Variants in MGMT observed in about 807,000 individuals in gnomAD.
MGMT encodes the protein methylated-DNA--protein-cysteine methyltransferase.
Under a neutral mutation model 15.9 loss-of-function variants are expected in MGMT, and 14 were observed. The ratio of observed to expected loss-of-function variants is 0.88; its 90% confidence interval spans 0.58 to 1.37. The LOEUF (loss-of-function observed/expected upper bound fraction) is 1.37. Ranked by LOEUF, MGMT falls within the 40% of genes most tolerant of loss-of-function variation. MGMT has a pLI of 0.00. For synonymous variants in MGMT, 130 were observed against 118.2 expected (o/e 1.10, Z -0.65); for missense variants, 282 against 268.1 (o/e 1.05, Z -0.36).
At chr10:129,517,565 C>T (rs562757611) in intron 1 of MGMT, among the ~76,000 whole-genome samples, 16 of 152,320 alleles carry the variant, frequency 1.1e-4, no homozygotes, top group Admixed American at 5.9e-4. Flanking sequence ...AAGGGTGTCA[C>T]GGCGTCACAC....
In MGMT at chr10:129,768,361, T is replaced by C. The variant is rs1848962551; in HGVS notation, c.*1364T>C. On this transcript the variant is annotated 3_prime_UTR_variant, in exon 5 of 5. Coordinates refer to ENST00000651593, the MANE Select transcript of MGMT (RefSeq NM_002412.5). ...CCCGTTGTCTTAACTCTTGGTATTT[T>C]TGAAGCAGGATAAGTCACACAGCGG... Among the ~76,000 whole-genome samples the C allele has an allele frequency of 2.6e-5, 4 of 152,274 alleles. No individual in the cohort carries two copies. The highest frequency in any genetic ancestry group is 2.6e-4 in the Admixed American group (4 of 15,294).
At chr10:129,575,797 TAAAG>T (rs1331324222) in intron 2 of MGMT, among the ~76,000 whole-genome samples, 9 of 147,658 alleles carry the variant, frequency 6.1e-5, no homozygotes, top group African/African-American at 2.2e-4. Context: ...GCAAGACTAA[TAAAG>T]AAGAAAAGAG....
intron 2 of MGMT, among the ~76,000 whole-genome samples, chr10:129,661,150 A>G (rs1328143678): frequency 1.3e-5 from 2 of 152,020 alleles, no homozygotes; most frequent in Non-Finnish European, 2.9e-5. Flanking sequence ...CTGGTTCTGT[A>G]TTATGGATTA....
intron 2 of MGMT, among the ~76,000 whole-genome samples, chr10:129,706,671 G>A (rs1368661264): frequency 6.6e-6 from 1 of 152,292 alleles, no homozygotes; most frequent in South Asian, 2.1e-4. Context: ...CGGACCCAGG[G>A]CCAGGGCTTC....
At chr10:129,711,416 C>T (rs1218956041) in intron 3 of MGMT, among the ~76,000 whole-genome samples, 1 of 152,138 alleles carries the variant, frequency 6.6e-6, no homozygotes, top group Non-Finnish European at 1.5e-5. Flanking sequence ...CTTTCCCGAC[C>T]GGGTGTCCGG....
At chr10:129,760,656 T>G (rs1397170486) in intron 4 of MGMT, among the ~76,000 whole-genome samples, 2 of 152,188 alleles carry the variant, frequency 1.3e-5, no homozygotes, top group African/African-American at 4.8e-5. Flanking sequence ...TACGTAGGCT[T>G]TTGCACAAAA....
chr10:129,762,127 G>C (rs1021134615), intron 4 of MGMT, among the ~76,000 whole-genome samples: 1 of 152,178 alleles, frequency 6.6e-6, no homozygotes, highest in Non-Finnish European at 1.5e-5. Flanking sequence ...TCCCTTTGGC[G>C]CTGACAGCAG....
intron 1 of MGMT, among the ~76,000 whole-genome samples, chr10:129,517,742 C>T (rs1845754883): frequency 6.6e-6 from 1 of 152,120 alleles, no homozygotes; most frequent in Admixed American, 6.5e-5. Context: ...GGGCTGAGGC[C>T]CAGACCAGCT....
chr10:129,531,932 C>T (rs1042274432), intron 1 of MGMT, among the ~76,000 whole-genome samples: 4 of 152,138 alleles, frequency 2.6e-5, no homozygotes, highest in Non-Finnish European at 4.4e-5. Context: ...AAATAATTAG[C>T]CAGTTGGATA....
chr10:129,472,426 C>T (rs1334587975), intron 1 of MGMT, among the ~76,000 whole-genome samples: 1 of 151,900 alleles, frequency 6.6e-6, no homozygotes, highest in African/African-American at 2.4e-5. Context: ...CTGAGTCTCA[C>T]GGAAGGATGA....
intron 3 of MGMT, among the ~76,000 whole-genome samples, chr10:129,725,849 A>T (rs1329043237): frequency 1.3e-5 from 2 of 152,202 alleles, no homozygotes; most frequent in African/African-American, 4.8e-5. Flanking sequence ...TCAGGAGCCT[A>T]GGGTTCAATT....
chr10:129,723,126 CTTA>C (rs1307394894), intron 3 of MGMT, among the ~76,000 whole-genome samples: 2 of 148,712 alleles, frequency 1.3e-5, no homozygotes, highest in African/African-American at 5.0e-5. Flanking sequence ...TGTTCCATAA[CTTA>C]TTTATTTCCA....
intron 3 of MGMT, among the ~76,000 whole-genome samples, chr10:129,708,688 A>T (rs1175915434): frequency 1.3e-5 from 2 of 152,208 alleles, no homozygotes; most frequent in South Asian, 4.1e-4. Context: ...ATCATTCCAG[A>T]CACATGCCAG....
At chr10:129,728,286 A>G (rs879281) in intron 3 of MGMT, among the ~76,000 whole-genome samples, 84,406 of 152,024 alleles carry the variant, frequency 0.56, 23,685 homozygotes, top group Middle Eastern at 0.72. Context: ...GTTAGGGATT[A>G]GGGTCAGTGG....
intron 1 of MGMT, among the ~76,000 whole-genome samples, chr10:129,506,890 T>G (rs1204404543): frequency 2.0e-5 from 3 of 150,838 alleles, no homozygotes; most frequent in African/African-American, 7.3e-5. Flanking sequence ...CTTCAGGGCA[T>G]CTTCTCTGGG....
chr10:129,766,235 G>C lies in MGMT; in HGVS notation c.415-553G>C, dbSNP rs1045506870. Among the ~76,000 whole-genome samples, 20 of 152,338 alleles carry C rather than the reference G, an allele frequency of 1.3e-4. 1 individual carries two copies. Among genetic ancestry groups the C allele is most frequent in the African/African-American group, 1.7e-4 (7 of 41,588 alleles). On this transcript the variant is annotated intron_variant, in intron 4 of 4. Coordinates refer to ENST00000651593, the MANE Select transcript of MGMT (RefSeq NM_002412.5). ...AGGCTTGGCAAAGCAGCCACAGCCA[G>C]TATGGAGAAAAAGGCATGGCTGCGT...
At chr10:129,606,263 G>GT (rs1846889483) in intron 2 of MGMT, among the ~76,000 whole-genome samples, 1 of 152,228 alleles carries the variant, frequency 6.6e-6, no homozygotes, top group African/African-American at 2.4e-5. Flanking sequence ...AGCACATCCT[G>GT]CCTGCCTGCC....
intron 1 of MGMT, among the ~76,000 whole-genome samples, chr10:129,505,672 G>A (rs1220408891): frequency 6.6e-6 from 1 of 152,134 alleles, no homozygotes; most frequent in African/African-American, 2.4e-5. Flanking sequence ...TGGTCAGCAT[G>A]GATATTGGTG....
At chr10:129,755,676 C>G (rs1299841123) in intron 3 of MGMT, among the ~76,000 whole-genome samples, 1 of 152,242 alleles carries the variant, frequency 6.6e-6, no homozygotes, top group Non-Finnish European at 1.5e-5. Context: ...GGAAAGAGAG[C>G]CTCAGTGCTT....
Sources: gnomAD v4.1 joint callset for allele counts (sites outside exome capture counted in the v4.1 genomes callset) on GRCh38, gnomAD v4.1.1 for gene constraint, MANE v1.5 for transcripts, NCBI Gene and HGNC (gene_info 2026-07-23, HGNC 2026-07-21) for gene names.